The following TOR1A variants were observed in gnomAD, a reference collection of about 807,000 sequenced individuals.
TOR1A encodes the protein torsin-1A.
In TOR1A, 18 loss-of-function variants were observed where a neutral mutation model predicts 31.4. That is an observed-to-expected ratio of 0.57 (90% confidence interval 0.40 to 0.85). The LOEUF is 0.85. Among genes scored for constraint, TOR1A ranks in the 40% least tolerant of loss-of-function variants. TOR1A has a pLI of 0.00. For missense variants in TOR1A, 375 were observed against 416.4 expected, an observed-to-expected ratio of 0.90 and a Z score of 0.87; for synonymous variants, 168 against 165.9, an observed-to-expected ratio of 1.01 and a Z score of -0.10.
At chr9:129,823,873 CCCAGCCCCAGCCT>C (rs1253406992) in intron 1 of TOR1A, 22 bp downstream of exon 1, 3 of 1,540,290 alleles carry the variant, frequency 1.9e-6, no homozygotes, top group Non-Finnish European at 2.6e-6. Flanking sequence ...CAGCCCCAGC[CCCAGCCCCAGCCT>C]CCAGCCCCCG....
chr9:129,815,976 G>T (rs564537902), intron 4 of TOR1A, among the ~76,000 whole-genome samples: 71 of 152,082 alleles, frequency 4.7e-4, no homozygotes, highest in South Asian at 6.2e-4. Context: ...TCCTGTGAAG[G>T]CCCCGTCAGA....
At chr9:129,822,440 A>G (rs780528397) in intron 2 of TOR1A, 141 bp downstream of exon 2, 31 of 1,196,710 alleles carry the variant, frequency 2.6e-5, no homozygotes, top group African/African-American at 2.4e-4. Context: ...CTTAACTTCT[A>G]CACCTTTCCA....
intron 1 of TOR1A, chr9:129,823,159 A>T: frequency 4.5e-6 from 2 of 443,594 alleles, no homozygotes; most frequent in Admixed American, 6.9e-5. Flanking sequence ...CAGAGCCGGG[A>T]AAGGAAACAG....
At chr9:129,820,640 C>A (rs1053714411) in intron 2 of TOR1A, among the ~76,000 whole-genome samples, 1 of 152,062 alleles carries the variant, frequency 6.6e-6, no homozygotes, top group African/African-American at 2.4e-5. Context: ...ACTCCGTCAC[C>A]CAGGCTGGAC....
At chr9:129,814,313 G>A (rs545979331) in intron 4 of TOR1A, 91 bp from the exon 5 acceptor site, 29 of 1,593,614 alleles carry the variant, frequency 1.8e-5, no homozygotes, top group Middle Eastern at 2.2e-4. Context: ...CCTCCCATCC[G>A]TCCCACAAAC....
chr9:129,813,980 C>T lies in TOR1A; in HGVS notation c.991G>A (p.Asp331Asn), dbSNP rs147805267. 56 of 1,614,068 alleles carry T rather than the reference C, an allele frequency of 3.5e-5. No homozygotes were observed. Among genetic ancestry groups the T allele is most frequent in the Admixed American group, 1.0e-4 (6 of 60,020 alleles). The change falls in exon 5 of 5, where the codon GAT (aspartate) becomes AAT (asparagine). Residue 331 changes from aspartate (D) to asparagine (N), a missense_variant. By Grantham distance (23) the Asp-to-Asn change is conservative. Coordinates refer to ENST00000351698, the MANE Select transcript of TOR1A (RefSeq NM_000113.3). ...TVFTKLDYYY[D>N]D ...GCTGCCAATCATGACTGTCAATCAT[C>T]GTAGTAATAATCTAACTTGGTGAAC...
At chr9:129,822,122 T>G (rs937009888) in intron 2 of TOR1A, 3 of 244,894 alleles carry the variant, frequency 1.2e-5, no homozygotes, top group South Asian at 8.6e-5. Context: ...AAAAATTAGC[T>G]GGGCATGGTG....
chr9:129,823,762 C>T (rs1588219041), intron 1 of TOR1A, 146 bp downstream of exon 1: 2 of 1,029,898 alleles, frequency 1.9e-6, no homozygotes, highest in Non-Finnish European at 2.8e-6. Flanking sequence ...GCCCCCAGGC[C>T]CCGCTCCAGC....
Position 129,818,771 on chromosome 9 carries a change from G to A in TOR1A, c.594C>T (p.Tyr198=), listed in dbSNP as rs2031106009. Residue 198 remains tyrosine (Y), a synonymous_variant, in exon 3 of 5, where the codon TAC becomes TAT. Transcript: ENST00000351698. ...DYYDLVDGVS[Y]QKAMFIFLSN... ...TGAGAAATATGAACATGGCTTTCTGGTAGGAGACCCCATCCACCAGGTCAT... is the reference window on the plus strand; with the variant it reads ...TGAGAAATATGAACATGGCTTTCTGATAGGAGACCCCATCCACCAGGTCAT... The A allele has an allele frequency of 6.2e-7, 1 of 1,613,248 alleles. No homozygotes were observed. Among genetic ancestry groups the A allele is most frequent in the African/African-American group, 1.3e-5 (1 of 75,024 alleles).
At chr9:129,822,249 GA>G in intron 2 of TOR1A, 1 of 368,566 alleles carries the variant, frequency 2.7e-6, no homozygotes, top group South Asian at 2.2e-5. Flanking sequence ...CGGGTAAGAA[GA>G]GTGAAACTCC....
chr9:129,816,470 C>T (rs2031042511), intron 4 of TOR1A, among the ~76,000 whole-genome samples: 1 of 152,218 alleles, frequency 6.6e-6, no homozygotes, highest in South Asian at 2.1e-4. Context: ...ATCTATCCCC[C>T]ATCATCTGAT....
chr9:129,817,527 G>A (rs747909805), intron 4 of TOR1A, among the ~76,000 whole-genome samples: 2 of 151,670 alleles, frequency 1.3e-5, no homozygotes, highest in South Asian at 2.1e-4. Context: ...GTGAAACCCC[G>A]TTTCTACTAA....
chr9:129,820,140 T>A (rs2031149740), intron 2 of TOR1A, among the ~76,000 whole-genome samples: 1 of 140,712 alleles, frequency 7.1e-6, no homozygotes, highest in Non-Finnish European at 1.6e-5. Flanking sequence ...AACTTTTTTT[T>A]TTTGACAGTC....
At chr9:129,820,724 AGCT>A (rs2031163841) in intron 2 of TOR1A, among the ~76,000 whole-genome samples, 1 of 151,964 alleles carries the variant, frequency 6.6e-6, no homozygotes, top group African/African-American at 2.4e-5. Context: ...CCCCCTAAGT[AGCT>A]GGGACTACAG....
Position 129,813,887 on chromosome 9 carries a change from A to G in TOR1A, c.*85T>C. ...TTCACTGGATTCCTCTTCCAGGGAA[A>G]GGAGCTGGGGGTGGAAGTGTGGAAG... On this transcript the variant is annotated 3_prime_UTR_variant, in exon 5 of 5. Coordinates refer to ENST00000351698, the MANE Select transcript of TOR1A (RefSeq NM_000113.3). The G allele has an allele frequency of 6.5e-7, 1 of 1,550,266 alleles. No individual in the cohort carries two copies. The highest frequency in any genetic ancestry group is 1.1e-5 in the South Asian group (1 of 89,792).
In TOR1A at chr9:129,817,698, CAA is replaced by C. The variant is rs34520229; in HGVS notation, c.748+820_748+821del. ...TGGGCAACAGAGCGAGACTCCATCTCAAAAAAAAAAAAAAAACAGCAGGCCAG... is the reference window on the plus strand; with the variant it reads ...TGGGCAACAGAGCGAGACTCCATCTCAAAAAAAAAAAAAACAGCAGGCCAG... On this transcript the variant is annotated intron_variant, in intron 4 of 4. Transcript: ENST00000351698. 9.2e-3 allele frequency among the ~76,000 whole-genome samples: 871 copies of C among 94,518 alleles called. 6 individuals are homozygous for C. The highest frequency in any genetic ancestry group is 0.033 in the African/African-American group (827 of 25,390). 62.0% of individuals were successfully genotyped at this position (94,518 alleles called of 152,430 possible).
Position 129,814,071 on chromosome 9 carries a change from C to CT in TOR1A, c.899_900insA (p.Ala301GlyfsTer2). The CT allele has an allele frequency of 6.2e-7, 1 of 1,614,204 alleles. No individual in the cohort carries two copies. Among genetic ancestry groups the CT allele is most frequent in the Non-Finnish European group, 8.5e-7 (1 of 1,180,034 alleles). The stretch of plus-strand genomic sequence containing the variant: ...TGGGGAAAAATGTCATCTCCTCAGC[C>CT]ACTCTGCTTACAATGTCTTCATCAA... On this transcript the variant is annotated frameshift_variant, in exon 5 of 5. Transcript: ENST00000351698. LOFTEE classifies it high-confidence loss of function.
At chr9:129,819,719 T>C (rs916067281) in intron 2 of TOR1A, among the ~76,000 whole-genome samples, 15 of 150,718 alleles carry the variant, frequency 1.0e-4, no homozygotes, top group South Asian at 2.1e-4. Context: ...GATCAAGCCA[T>C]TGCACTCCAG....
chr9:129,817,189 C>T (rs887550202), intron 4 of TOR1A, among the ~76,000 whole-genome samples: 1 of 152,184 alleles, frequency 6.6e-6, no homozygotes, highest in African/African-American at 2.4e-5. Context: ...CTCTACCCTG[C>T]GAGGTATGGT....
Sources: allele counts gnomAD v4.1 joint callset (sites outside exome capture counted in the v4.1 genomes callset), GRCh38; gene constraint gnomAD v4.1.1; transcripts MANE v1.5; gene names NCBI Gene and HGNC (gene_info 2026-07-23, HGNC 2026-07-21).